CACNA1B: variants seen among roughly 807,000 people sequenced by gnomAD.
CACNA1B encodes voltage-dependent N-type calcium channel subunit alpha-1B.
A neutral mutation model predicts 247.2 loss-of-function variants in CACNA1B; 70 were observed. That is an observed-to-expected ratio of 0.28 (90% CI 0.23 to 0.35). The LOEUF is 0.35. Ranked by LOEUF, CACNA1B falls within the 10% of genes least tolerant of loss-of-function variation. The probability of loss-of-function intolerance (pLI) is 1.00; values close to 1 mark genes in which losing one functional copy is unlikely to be tolerated. For missense variants in CACNA1B, 2,367 were observed against 3,197.4 expected (o/e 0.74, Z 6.26); for synonymous variants, 1,231 against 1,294.4 (o/e 0.95, Z 1.05).
chr9:137,949,294 T>C (rs1398612065), intron 6 of CACNA1B, among the ~76,000 whole-genome samples: 1 of 53,856 alleles, frequency 1.9e-5, no homozygotes, highest in Non-Finnish European at 3.9e-5. Context: ...TTGCGTGTCC[T>C]TTGTGTCTGG....
intron 41 of CACNA1B, 28 bp from the exon 42 acceptor site, chr9:138,115,524 C>G: frequency 6.2e-7 from 1 of 1,606,574 alleles, no homozygotes; most frequent in African/African-American, 1.3e-5. Flanking sequence ...CATTGGAGCT[C>G]TTTCCCTTCC....
At chr9:137,907,015 C>G (rs1184993190) in intron 3 of CACNA1B, among the ~76,000 whole-genome samples, 1 of 152,166 alleles carries the variant, frequency 6.6e-6, no homozygotes, top group Non-Finnish European at 1.5e-5. Flanking sequence ...TCTTTTTCTC[C>G]CTGTGGGAGC....
chr9:137,910,760 A>G (rs766231088), intron 3 of CACNA1B, among the ~76,000 whole-genome samples: 3 of 152,164 alleles, frequency 2.0e-5, no homozygotes, highest in Non-Finnish European at 4.4e-5. Context: ...CTCAGGCAGT[A>G]ATGCTCGTTC....
At chr9:138,009,057 G>A (rs1958690693) in intron 16 of CACNA1B, among the ~76,000 whole-genome samples, 1 of 152,246 alleles carries the variant, frequency 6.6e-6, no homozygotes, top group Admixed American at 6.5e-5. Flanking sequence ...GGGGCAGGGA[G>A]GTGAGAGTTC....
At chr9:138,091,652 T>C (rs977043473) in intron 36 of CACNA1B, among the ~76,000 whole-genome samples, 1 of 152,182 alleles carries the variant, frequency 6.6e-6, no homozygotes, top group Non-Finnish European at 1.5e-5. Context: ...ATCAAAATAT[T>C]ATACTGTACC....
At chr9:138,099,173 C>T (rs528671182) in intron 37 of CACNA1B, among the ~76,000 whole-genome samples, 164 of 152,244 alleles carry the variant, frequency 1.1e-3, no homozygotes, top group African/African-American at 3.7e-3. Flanking sequence ...GTGTTGTGTG[C>T]GTGTTTGCAC....
intron 36 of CACNA1B, among the ~76,000 whole-genome samples, chr9:138,090,340 T>C (rs1048516770): frequency 9.2e-5 from 14 of 152,224 alleles, no homozygotes; most frequent in Admixed American, 2.6e-4. Flanking sequence ...GTAGGGAAAC[T>C]AGATATCCAC....
intron 20 of CACNA1B, among the ~76,000 whole-genome samples, chr9:138,037,459 G>T (rs1959060521): frequency 6.6e-6 from 1 of 152,198 alleles, no homozygotes; most frequent in Non-Finnish European, 1.5e-5. Context: ...AGGCATTCGA[G>T]ACCAACCTGG....
chr9:137,961,248 G>A (rs888329092), intron 10 of CACNA1B, among the ~76,000 whole-genome samples: 1 of 152,144 alleles, frequency 6.6e-6, no homozygotes, highest in African/African-American at 2.4e-5. Flanking sequence ...CATTGATTTT[G>A]TATCCTGAGA....
intron 20 of CACNA1B, among the ~76,000 whole-genome samples, chr9:138,025,780 C>T (rs915238965): frequency 6.6e-6 from 1 of 152,198 alleles, no homozygotes; most frequent in African/African-American, 2.4e-5. Context: ...TCATTCCTGT[C>T]TTGAAACCTG....
At chr9:137,998,629 A>G (rs1207398696) in intron 15 of CACNA1B, among the ~76,000 whole-genome samples, 1 of 152,188 alleles carries the variant, frequency 6.6e-6, no homozygotes, top group Admixed American at 6.5e-5. Context: ...ATATCAGCCA[A>G]AATAGAGGTG....
chr9:137,968,350 G>A (rs1458096619), intron 10 of CACNA1B, among the ~76,000 whole-genome samples: 2 of 152,194 alleles, frequency 1.3e-5, no homozygotes, highest in Non-Finnish European at 2.9e-5. Flanking sequence ...TCACCCTGTC[G>A]GCCCTGACGC....
In CACNA1B at chr9:138,043,885, T is replaced by G. The variant is rs539760053; in HGVS notation, c.3398T>G (p.Leu1133Ter). ...GTCCCATACAGCTCCATGTTCTGTT[T>G]AAGCCCCACCAACCTGTGAGTCTCC... ...PIVPYSSMFC[L>*]SPTNLLRRFC... The change falls in exon 21 of 47, where the codon TTA (leucine) becomes TGA (stop). Residue 1133 changes from leucine (L) to a stop codon, truncating the protein, a stop_gained. Transcript: ENST00000371372. LOFTEE classifies it high-confidence loss of function. 1 of 1,613,834 alleles carries G rather than the reference T, an allele frequency of 6.2e-7. No homozygotes were observed. Among genetic ancestry groups the G allele is most frequent in the Admixed American group, 1.7e-5 (1 of 60,024 alleles).
At chr9:137,931,994 C>T (rs2133305792) in intron 6 of CACNA1B, among the ~76,000 whole-genome samples, 1 of 152,202 alleles carries the variant, frequency 6.6e-6, no homozygotes, top group Middle Eastern at 3.4e-3. Flanking sequence ...AGGCGGCATC[C>T]CTTACTAATC....
intron 32 of CACNA1B, among the ~76,000 whole-genome samples, chr9:138,070,671 C>T (rs906819775): frequency 6.6e-6 from 1 of 152,224 alleles, no homozygotes; most frequent in African/African-American, 2.4e-5. Flanking sequence ...TTTAATGCTG[C>T]AGAAACACCC....
At chr9:138,063,740 G>A (rs544803401) in intron 31 of CACNA1B, among the ~76,000 whole-genome samples, 2 of 152,358 alleles carry the variant, frequency 1.3e-5, no homozygotes, top group African/African-American at 4.8e-5. Context: ...TATCTGGGGA[G>A]TAGTCCAGTG....
rs1751307437 is a variant in CACNA1B, at chr9:138,123,176, A to C, written c.*1177A>C. Reference sequence around the variant, plus strand: ...AAAGGCTGGTAGGAAGGAGGAAGACATTGGCTGGGGGCTTGGATGTGGGGC... The same window carrying C: ...AAAGGCTGGTAGGAAGGAGGAAGACCTTGGCTGGGGGCTTGGATGTGGGGC... On this transcript the variant is annotated 3_prime_UTR_variant, in exon 47 of 47. Transcript: ENST00000371372. 1 of 152,414 alleles carries C rather than the reference A, an allele frequency of 6.6e-6. No homozygotes were observed. Among genetic ancestry groups the C allele is most frequent in the South Asian group, 2.1e-4 (1 of 4,840 alleles). The allele number at this position is 152,414 out of a possible 1,614,324, so 9.4% of individuals were successfully genotyped here. A position where few individuals can be genotyped will look rare whatever the true frequency, so the allele number is the denominator to read the frequency against.
In CACNA1B at chr9:137,955,784, A is replaced by G. The variant is rs371607646; in HGVS notation, c.1157A>G (p.Asn386Ser). The change falls in exon 8 of 47, where the codon AAC becomes AGC. Residue 386 changes from asparagine to serine, a missense_variant. Asn to Ser is a conservative substitution (Grantham distance 46, BLOSUM62 1). Coordinates refer to ENST00000371372, the MANE Select transcript of CACNA1B (RefSeq NM_000718.4). The surrounding 1 kb of genome is among the most constrained non-coding windows in gnomAD (Gnocchi z 6.9). ...RRQQQIEREL[N>S]GYLEWIFKAE... is the part of the protein sequence containing the mutation. ...CAGCAGCAGATCGAGCGAGAGCTCA[A>G]CGGGTACCTGGAGTGGATCTTCAAG... 6.2e-6 allele frequency: 10 copies of G among 1,611,052 alleles called. No individual in the cohort carries two copies. Among genetic ancestry groups the G allele is most frequent in the Non-Finnish European group, 8.5e-6 (10 of 1,178,678 alleles).
rs111949932 is a variant in CACNA1B, at chr9:138,106,900, C to T, written c.5428+1093C>T. ...TCTTCCCAGCTTCACCAGAGCTGCCCTTGGGGTCTCCAGGCCTCCACGTTG... is the reference window on the plus strand; with the variant it reads ...TCTTCCCAGCTTCACCAGAGCTGCCTTTGGGGTCTCCAGGCCTCCACGTTG... On this transcript the variant is annotated intron_variant, in intron 39 of 46. Transcript: ENST00000371372. 6.6e-5 allele frequency among the ~76,000 whole-genome samples: 10 copies of T among 152,338 alleles called. No individual in the cohort carries two copies. In the South Asian group the frequency reaches 1.5e-3, roughly 22 times the overall value.
Sources: allele counts gnomAD v4.1 joint callset (sites outside exome capture counted in the v4.1 genomes callset), GRCh38; gene constraint gnomAD v4.1.1; non-coding constraint Gnocchi (gnomAD v3.1); transcripts MANE v1.5; gene names NCBI Gene and HGNC (gene_info 2026-07-23, HGNC 2026-07-21).